GRM5: variants seen among roughly 807,000 people sequenced by gnomAD.
GRM5 encodes metabotropic glutamate receptor 5.
A neutral mutation model predicts 83.1 loss-of-function variants in GRM5; 19 were observed. The ratio of observed to expected loss-of-function variants is 0.23; its 90% CI spans 0.16 to 0.34. The LOEUF is 0.34. Among genes scored for constraint, GRM5 ranks in the 10% least tolerant of loss-of-function variants. The probability of loss-of-function intolerance (pLI) is 1.00; values close to 1 mark genes in which losing one functional copy is unlikely to be tolerated. For synonymous variants in GRM5, 675 were observed against 633.6 expected (o/e 1.07, Z -0.98); for missense variants, 1,160 against 1,588.3 (o/e 0.73, Z 4.58).
At chr11:88,812,769 A>C (rs550977309) in intron 3 of GRM5, among the ~76,000 whole-genome samples, 1 of 152,272 alleles carries the variant, frequency 6.6e-6, no homozygotes, top group East Asian at 1.9e-4. Context: ...TAACACAGAA[A>C]ACTTTGAGCT....
At chr11:88,706,291 C>A (rs1277110466) in intron 3 of GRM5, among the ~76,000 whole-genome samples, 1 of 152,100 alleles carries the variant, frequency 6.6e-6, no homozygotes, top group African/African-American at 2.4e-5. Flanking sequence ...AGCCCTCACC[C>A]TTCCTCACTC....
At chr11:88,811,767 A>G (rs1225350544) in intron 3 of GRM5, among the ~76,000 whole-genome samples, 1 of 152,110 alleles carries the variant, frequency 6.6e-6, no homozygotes, top group East Asian at 1.9e-4. Flanking sequence ...GGCACACAAT[A>G]TATGGTGATT....
chr11:88,704,383 G>A (rs1814056476), intron 3 of GRM5, among the ~76,000 whole-genome samples: 1 of 151,986 alleles, frequency 6.6e-6, no homozygotes, highest in Admixed American at 6.6e-5. Context: ...ACTCTCCATT[G>A]AGACCACACT....
chr11:88,641,418 C>T (rs757745515), intron 4 of GRM5, among the ~76,000 whole-genome samples: 3 of 152,010 alleles, frequency 2.0e-5, no homozygotes, highest in Non-Finnish European at 4.4e-5. Context: ...CCTCAAATCT[C>T]ATATTCTCAC....
intron 2 of GRM5, among the ~76,000 whole-genome samples, chr11:88,878,151 T>A (rs1365448789): frequency 6.6e-6 from 1 of 152,116 alleles, no homozygotes; most frequent in African/African-American, 2.4e-5. Context: ...GTATATAAAA[T>A]TGCCAAATTT....
intron 2 of GRM5, among the ~76,000 whole-genome samples, chr11:88,989,968 A>G (rs1194354444): frequency 2.0e-5 from 3 of 152,020 alleles, no homozygotes; most frequent in South Asian, 2.1e-4. Flanking sequence ...AAGCAAGAGC[A>G]AACACATTCA....
intron 2 of GRM5, among the ~76,000 whole-genome samples, chr11:88,874,434 A>G (rs568169983): frequency 6.6e-6 from 1 of 152,088 alleles, no homozygotes; most frequent in African/African-American, 2.4e-5. Context: ...TACAAAAATC[A>G]ACTCAAATTG....
chr11:88,815,568 T>C (rs1171571065), intron 3 of GRM5, among the ~76,000 whole-genome samples: 1 of 152,192 alleles, frequency 6.6e-6, no homozygotes, highest in African/African-American at 2.4e-5. Context: ...TCAAGATTGG[T>C]CATCTGCATC....
intron 3 of GRM5, among the ~76,000 whole-genome samples, chr11:88,668,515 T>C (rs897341610): frequency 6.6e-6 from 1 of 152,072 alleles, no homozygotes; most frequent in African/African-American, 2.4e-5. Flanking sequence ...AGACAAAATG[T>C]AGGCCAAACT....
Position 88,983,761 on chromosome 11 carries a change from G to C in GRM5, c.661+63451C>G, listed in dbSNP as rs1378878348. Among the ~76,000 whole-genome samples the C allele has an allele frequency of 2.6e-5, 4 of 151,878 alleles. No individual in the cohort carries two copies. In the East Asian group the frequency reaches 7.7e-4, roughly 29 times the overall value. On this transcript the variant is annotated intron_variant, in intron 2 of 9. Coordinates refer to ENST00000305447, the MANE Select transcript of GRM5 (RefSeq NM_001143831.3). Reference sequence around the variant, plus strand: ...TAAAACAGCCCCAGGCAATCTATCAGGACGTATTCCAGAATAAGGCATTTT... The same window carrying C: ...TAAAACAGCCCCAGGCAATCTATCACGACGTATTCCAGAATAAGGCATTTT...
At chr11:88,607,946 C>T (rs925137070) in intron 4 of GRM5, among the ~76,000 whole-genome samples, 1 of 152,218 alleles carries the variant, frequency 6.6e-6, no homozygotes, top group South Asian at 2.1e-4. Flanking sequence ...GCTAGAAGAG[C>T]CTAGGCTCTG....
intron 2 of GRM5, among the ~76,000 whole-genome samples, chr11:88,985,161 C>T (rs1939663469): frequency 6.6e-6 from 1 of 152,014 alleles, no homozygotes; most frequent in Non-Finnish European, 1.5e-5. Flanking sequence ...GATTTGGTTG[C>T]AGTATCATCA....
At chr11:88,571,378 TA>T (rs1320893152) in intron 7 of GRM5, among the ~76,000 whole-genome samples, 7 of 152,220 alleles carry the variant, frequency 4.6e-5, no homozygotes, top group Non-Finnish European at 7.3e-5. Context: ...GTAAACCATT[TA>T]GAAAGTCTTA....
chr11:88,646,896 C>A (rs114792192), intron 4 of GRM5, among the ~76,000 whole-genome samples: 1,907 of 138,674 alleles, frequency 0.014, no homozygotes, highest in Non-Finnish European at 0.022. Context: ...GTTGCCATTA[C>A]AAAAAAAAAA....
Position 88,519,561 on chromosome 11 carries a change from A to G in GRM5, c.2726+5748T>C, listed in dbSNP as rs117438705. On this transcript the variant is annotated intron_variant, in intron 9 of 9. Transcript: ENST00000305447. Reference sequence around the variant, plus strand: ...CAATCATGCAGATAAAGCATTTGACACAGTGTCTCATGTATCTAAGTACTC... The same window carrying G: ...CAATCATGCAGATAAAGCATTTGACGCAGTGTCTCATGTATCTAAGTACTC... Among the ~76,000 whole-genome samples the G allele has an allele frequency of 2.3e-3, 352 of 152,262 alleles. 5 individuals are homozygous for G. Among genetic ancestry groups the G allele is most frequent in the Admixed American group, 0.014 (215 of 15,290 alleles).
At chr11:88,994,136 A>G (rs1591030422) in intron 2 of GRM5, among the ~76,000 whole-genome samples, 1 of 152,152 alleles carries the variant, frequency 6.6e-6, no homozygotes, top group East Asian at 1.9e-4. Flanking sequence ...AGAATAAACT[A>G]TAAAAAGAAT....
intron 4 of GRM5, among the ~76,000 whole-genome samples, chr11:88,638,380 CATGAGGTCTAT>C (rs1445507835): frequency 6.6e-6 from 1 of 151,912 alleles, no homozygotes; most frequent in East Asian, 1.9e-4. Flanking sequence ...CATCAGTGTT[CATGAGGTCTAT>C]ATGAGGTATA....
intron 8 of GRM5, among the ~76,000 whole-genome samples, chr11:88,543,836 G>T (rs573447043): frequency 6.6e-6 from 1 of 152,140 alleles, no homozygotes; most frequent in Non-Finnish European, 1.5e-5. Context: ...CTATCATCTA[G>T]CCCATAGCAG....
At chr11:88,910,962 C>T (rs1428175319) in intron 2 of GRM5, among the ~76,000 whole-genome samples, 1 of 151,928 alleles carries the variant, frequency 6.6e-6, no homozygotes, top group Admixed American at 6.6e-5. Flanking sequence ...AAAAACAAAT[C>T]CAAAGTTCTC....
Sources: gnomAD v4.1 joint callset for allele counts (sites outside exome capture counted in the v4.1 genomes callset) on GRCh38, gnomAD v4.1.1 for gene constraint, MANE v1.5 for transcripts, NCBI Gene and HGNC (gene_info 2026-07-23, HGNC 2026-07-21) for gene names.